Variants in IMMP2L observed in about 807,000 individuals in gnomAD.
IMMP2L encodes the protein mitochondrial inner membrane protease subunit 2.
Under a neutral mutation model 19.3 loss-of-function variants are expected in IMMP2L, and 18 were observed. The ratio of observed to expected loss-of-function variants is 0.93; its 90% CI spans 0.64 to 1.38. IMMP2L has a LOEUF of 1.38. Ranked by LOEUF, IMMP2L falls within the 40% of genes most tolerant of loss-of-function variation. The probability of loss-of-function intolerance (pLI) is 0.00; values close to 1 mark genes in which losing one functional copy is unlikely to be tolerated. For synonymous variants in IMMP2L, 76 were observed against 73.0 expected (o/e 1.04, Z -0.21); for missense variants, 233 against 218.2 (o/e 1.07, Z -0.43).
intron 4 of IMMP2L, among the ~76,000 whole-genome samples, chr7:110,899,221 C>T (rs1811624956): frequency 6.6e-6 from 1 of 152,048 alleles, no homozygotes; most frequent in South Asian, 2.1e-4. Flanking sequence ...TTTCTATATA[C>T]AAATGCATTA....
At chr7:111,001,681 G>T (rs1823710808) in intron 3 of IMMP2L, among the ~76,000 whole-genome samples, 1 of 152,136 alleles carries the variant, frequency 6.6e-6, no homozygotes, top group Non-Finnish European at 1.5e-5. Context: ...TGATTAATAT[G>T]ATATTTAAAT....
chr7:110,830,744 T>G (rs1803897473), intron 5 of IMMP2L, among the ~76,000 whole-genome samples: 1 of 152,140 alleles, frequency 6.6e-6, no homozygotes, highest in Admixed American at 6.5e-5. Flanking sequence ...TTTTTCTTTT[T>G]ATTTTCTCTC....
chr7:111,460,438 TAGAA>T (rs200953698), intron 3 of IMMP2L, among the ~76,000 whole-genome samples: 2,260 of 152,184 alleles, frequency 0.015, 24 homozygotes, highest in South Asian at 0.04. Flanking sequence ...TTCAGAAAGT[TAGAA>T]AGAAAGAACA....
intron 5 of IMMP2L, among the ~76,000 whole-genome samples, chr7:110,836,436 G>A (rs982629939): frequency 1.3e-5 from 2 of 152,134 alleles, no homozygotes; most frequent in African/African-American, 2.4e-5. Flanking sequence ...TCTTGTGACA[G>A]TAAATAAGTC....
At position 111,182,434 on chromosome 7, in the gene IMMP2L, C is replaced by T. The variant is rs568131391; in HGVS notation, c.240-218869G>A. 3.3e-5 allele frequency among the ~76,000 whole-genome samples: 5 copies of T among 152,020 alleles called. No homozygotes were observed. In the East Asian group the frequency reaches 5.8e-4, roughly 18 times the overall value. On this transcript the variant is annotated intron_variant, in intron 3 of 5. Coordinates refer to ENST00000405709, the MANE Select transcript of IMMP2L (RefSeq NM_032549.4). The stretch of plus-strand genomic sequence containing the variant: ...TGCCTCAGAGCCCAGTCCCCGAAAA[C>T]TCCATGATGCATTCCACTCAAAAGA...
intron 4 of IMMP2L, among the ~76,000 whole-genome samples, chr7:110,948,813 G>A (rs886134170): frequency 6.6e-6 from 1 of 152,186 alleles, no homozygotes; most frequent in Non-Finnish European, 1.5e-5. Flanking sequence ...CTTTGAGTCA[G>A]TGAACTAAGT....
chr7:111,507,522 ATCTT>A lies in IMMP2L; in HGVS notation c.135+13787_135+13790del, dbSNP rs373556016. Among the ~76,000 whole-genome samples, 487 of 152,228 alleles carry A rather than the reference ATCTT, an allele frequency of 3.2e-3. 4 individuals are homozygous for A. The Middle Eastern group carries it at 0.041, about 13-fold the overall frequency. ...AGTCCGCAGTAACAGATACTTTACT[ATCTT>A]TCTGTTTTCTATTAACAGTTGTTTG... On this transcript the variant is annotated intron_variant, in intron 2 of 5. Coordinates refer to ENST00000405709, the MANE Select transcript of IMMP2L (RefSeq NM_032549.4).
At chr7:110,750,307 ACT>A (rs1373656719) in intron 5 of IMMP2L, among the ~76,000 whole-genome samples, 2 of 152,082 alleles carry the variant, frequency 1.3e-5, no homozygotes, top group African/African-American at 4.8e-5. Context: ...AAGACTCAGC[ACT>A]CTGTTTATTT....
At chr7:111,177,611 T>G (rs1471874457) in intron 3 of IMMP2L, among the ~76,000 whole-genome samples, 1 of 152,100 alleles carries the variant, frequency 6.6e-6, no homozygotes. Flanking sequence ...AATCAAAGAA[T>G]AGTCAGCTTT....
At chr7:111,052,442 G>A (rs2129573076) in intron 3 of IMMP2L, among the ~76,000 whole-genome samples, 1 of 152,076 alleles carries the variant, frequency 6.6e-6, no homozygotes, top group African/African-American at 2.4e-5. Context: ...AACTCTTTAG[G>A]CAAAGCTTAA....
At position 111,522,926 on chromosome 7, in the gene IMMP2L, C is replaced by CATATATATATAT. The variant is rs148789480; in HGVS notation, c.-2-1489_-2-1478dup. 2.7e-4 allele frequency among the ~76,000 whole-genome samples: 36 copies of CATATATATATAT among 134,950 alleles called. 1 individual carries two copies. Among genetic ancestry groups the CATATATATATAT allele is most frequent in the African/African-American group, 1.1e-3 (35 of 31,756 alleles). 88.5% of individuals were successfully genotyped at this position (134,950 alleles called of 152,430 possible). On this transcript the variant is annotated intron_variant, in intron 1 of 5. Coordinates refer to ENST00000405709, the MANE Select transcript of IMMP2L (RefSeq NM_032549.4). ...TGAATGAACTTTAAGATGTGAGATA[C>CATATATATATAT]ATATATATATATTATTTCACCATAA...
intron 3 of IMMP2L, among the ~76,000 whole-genome samples, chr7:111,337,814 C>T (rs1826597248): frequency 6.6e-6 from 1 of 152,102 alleles, no homozygotes; most frequent in Admixed American, 6.6e-5. Context: ...AAGTACCATA[C>T]ATTCAGGATT....
At chr7:111,400,383 T>C (rs1833306716) in intron 3 of IMMP2L, among the ~76,000 whole-genome samples, 2 of 152,168 alleles carry the variant, frequency 1.3e-5, no homozygotes, top group South Asian at 4.1e-4. Flanking sequence ...AAAGATCTCT[T>C]AAGATTTTTC....
chr7:111,171,772 C>G (rs1223451666), intron 3 of IMMP2L, among the ~76,000 whole-genome samples: 8 of 151,448 alleles, frequency 5.3e-5, no homozygotes, highest in Non-Finnish European at 7.4e-5. Flanking sequence ...AATTATTACT[C>G]TGCTGCTTAA....
intron 5 of IMMP2L, among the ~76,000 whole-genome samples, chr7:110,885,665 T>C: frequency 6.6e-6 from 1 of 151,160 alleles, no homozygotes; most frequent in African/African-American, 2.5e-5. Context: ...GGTGACAGAT[T>C]TATGCCACTC....
chr7:111,493,979 C>A (rs538678452), intron 2 of IMMP2L, among the ~76,000 whole-genome samples: 9 of 151,496 alleles, frequency 5.9e-5, no homozygotes, highest in Admixed American at 2.0e-4. Context: ...CAGCCTGGGG[C>A]GACAGAGCAA....
chr7:111,538,980 T>C (rs1011069292), intron 1 of IMMP2L, among the ~76,000 whole-genome samples: 2 of 149,308 alleles, frequency 1.3e-5, no homozygotes, highest in African/African-American at 2.5e-5. Context: ...ATTAGCCAGG[T>C]GTGGTGGCGC....
At chr7:110,885,454 G>A (rs1422966459) in intron 5 of IMMP2L, among the ~76,000 whole-genome samples, 1 of 151,672 alleles carries the variant, frequency 6.6e-6, no homozygotes, top group African/African-American at 2.4e-5. Context: ...AGCAGGTGTA[G>A]TGCCAGTTAA....
At chr7:110,996,486 G>C (rs969141948) in intron 3 of IMMP2L, among the ~76,000 whole-genome samples, 4 of 152,052 alleles carry the variant, frequency 2.6e-5, no homozygotes, top group African/African-American at 9.7e-5. Context: ...AAGCAGCAAG[G>C]CTTAAGAAAT....
Sources: allele counts gnomAD v4.1 joint callset (sites outside exome capture counted in the v4.1 genomes callset), GRCh38; gene constraint gnomAD v4.1.1; transcripts MANE v1.5; gene names NCBI Gene and HGNC (gene_info 2026-07-23, HGNC 2026-07-21).